The following BRI3 variants were observed in gnomAD, a reference collection of about 807,000 sequenced individuals.
BRI3 encodes the protein membrane protein BRI3.
BRI3 carries 6 observed loss-of-function variants against 12.8 expected under a neutral mutation model. The observed-to-expected ratio is 0.47, with a 90% CI of 0.26 to 0.93. The LOEUF (loss-of-function observed/expected upper bound fraction) is 0.93, where lower values mean the gene tolerates loss of function less well. BRI3 is among the 40% of genes least tolerant of loss of function. The pLI, the probability that BRI3 is intolerant of heterozygous loss-of-function variation, is 0.15. For synonymous variants in BRI3, 91 were observed against 76.1 expected, an observed-to-expected ratio of 1.20 and a Z score of -1.02; for missense variants, 134 against 171.1, an observed-to-expected ratio of 0.78 and a Z score of 1.21.
At chr7:98,286,047 C>T (rs371909205) in intron 2 of BRI3, among the ~76,000 whole-genome samples, 14 of 152,288 alleles carry the variant, frequency 9.2e-5, no homozygotes, top group African/African-American at 3.1e-4. Flanking sequence ...CCCCCTGTGA[C>T]ACTGCCTTTG....
the BRI3 span, among the ~76,000 whole-genome samples, chr7:98,316,526 A>T: frequency 6.6e-6 from 1 of 152,192 alleles, no homozygotes; most frequent in Non-Finnish European, 1.5e-5. Flanking sequence ...GCTTATTTTT[A>T]AAAACTGATA....
upstream of BRI3, chr7:98,306,459 T>C (rs779096013): frequency 3.7e-6 from 6 of 1,614,200 alleles, 1 homozygote; most frequent in South Asian, 6.6e-5. Flanking sequence ...GCACGGTCAC[T>C]GCTTCTGTCT....
chr7:98,299,484 T>TG (rs1800333113), intron 1 of BRI3, among the ~76,000 whole-genome samples: 1 of 151,884 alleles, frequency 6.6e-6, no homozygotes, highest in Middle Eastern at 3.2e-3. Context: ...GCCTCAGCCA[T>TG]GGTACCTGCT....
intron 2 of BRI3, among the ~76,000 whole-genome samples, chr7:98,284,668 G>T (rs960819357): frequency 4.6e-5 from 7 of 152,242 alleles, no homozygotes; most frequent in Non-Finnish European, 1.0e-4. Context: ...TCACACATCT[G>T]TTAGTCCTTC....
intron 2 of BRI3, among the ~76,000 whole-genome samples, chr7:98,289,223 GCTGGGATGAC>G (rs1799815444): frequency 6.6e-6 from 1 of 152,202 alleles, no homozygotes; most frequent in East Asian, 1.9e-4. Context: ...CTCCCAAAGT[GCTGGGATGAC>G]AAGCATGAGC....
the BRI3 span, chr7:98,320,083 ATCT>A: frequency 6.2e-7 from 1 of 1,613,752 alleles, no homozygotes; most frequent in Non-Finnish European, 8.5e-7. Flanking sequence ...GTCAAGTTCT[ATCT>A]TCTTCTCCAG....
chr7:98,293,669 C>T, downstream of BRI3: 4 of 1,434,046 alleles, frequency 2.8e-6, no homozygotes, highest in Non-Finnish European at 3.9e-6. Context: ...GTGCTAATAA[C>T]CCGTTCTTGC....
In BRI3 at chr7:98,291,525, G is replaced by C. The variant is rs949915577; in HGVS notation, c.*282G>C. On this transcript the variant is annotated 3_prime_UTR_variant, in exon 3 of 3. Transcript: ENST00000297290. ...TTCAATAAATGAGATTCATACCATT[G>C]TTGACCTGGTGCTGCTTACTCGGTG... is the stretch of plus-strand genomic sequence containing the variant. The C allele has an allele frequency of 3.2e-5, 39 of 1,208,098 alleles. No individual in the cohort carries two copies. Among genetic ancestry groups the C allele is most frequent in the Non-Finnish European group, 3.6e-5 (35 of 964,824 alleles). 74.8% of individuals were successfully genotyped at this position (1,208,098 alleles called of 1,614,324 possible).
At chr7:98,312,039 G>C (rs1800892071), downstream of BRI3, 4 of 1,511,188 alleles carry the variant, frequency 2.6e-6, no homozygotes. Context: ...GGCAAATTTG[G>C]CCCAGATCAA....
chr7:98,310,265 C>T, exon 2 of BRI3: 1 of 577,806 alleles, frequency 1.7e-6, no homozygotes, highest in Non-Finnish European at 2.9e-6. Flanking sequence ...GAGCGTCTCA[C>T]AGTCTAGTCC....
At chr7:98,308,573 A>G (rs1218029223) in exon 2 of BRI3, 1 of 330,782 alleles carries the variant, frequency 3.0e-6, no homozygotes, top group Non-Finnish European at 6.0e-6. Context: ...GGTTTGTCCC[A>G]TACTCTCTAC....
chr7:98,304,865 A>ATT (rs11423233), upstream of BRI3, among the ~76,000 whole-genome samples: 221 of 136,296 alleles, frequency 1.6e-3, no homozygotes, highest in Non-Finnish European at 2.4e-3. Flanking sequence ...CTCACAAGAA[A>ATT]TTTTTTTTTT....
chr7:98,305,028 G>T (rs955029024), upstream of BRI3, among the ~76,000 whole-genome samples: 5 of 142,980 alleles, frequency 3.5e-5, no homozygotes, highest in African/African-American at 1.3e-4. Flanking sequence ...ACCACGCCCA[G>T]CTAATTTTTT....
upstream of BRI3, chr7:98,304,181 T>C: frequency 6.4e-7 from 1 of 1,562,632 alleles, no homozygotes; most frequent in Non-Finnish European, 8.7e-7. Context: ...GACGCCCTGC[T>C]GCGGCTTTAC....
At chr7:98,288,163 C>A (rs1019720685) in intron 2 of BRI3, among the ~76,000 whole-genome samples, 10 of 152,212 alleles carry the variant, frequency 6.6e-5, no homozygotes, top group Admixed American at 6.5e-4. Context: ...TGGGATTTGA[C>A]CGCAGATGCC....
downstream of BRI3, among the ~76,000 whole-genome samples, chr7:98,311,745 A>C (rs1309714012): frequency 4.0e-5 from 6 of 151,868 alleles, no homozygotes. Context: ...GTCTCTACTA[A>C]TAATACAAAA....
At chr7:98,315,378 G>A, downstream of BRI3, 1 of 1,267,682 alleles carries the variant, frequency 7.9e-7, no homozygotes. Context: ...TTACAGGCGT[G>A]GGCCACGGCC....
At chr7:98,288,256 A>G (rs907656531) in intron 2 of BRI3, among the ~76,000 whole-genome samples, 9 of 152,288 alleles carry the variant, frequency 5.9e-5, no homozygotes, top group Non-Finnish European at 8.8e-5. Flanking sequence ...TGTCATGGCC[A>G]TCTGTGGGGA....
chr7:98,292,307 T>C (rs907415182), downstream of BRI3: 6 of 332,708 alleles, frequency 1.8e-5, no homozygotes, highest in African/African-American at 1.3e-4. Context: ...CTGCAACCTC[T>C]GCCTCCCGGG....
Sources: gnomAD v4.1 joint callset for allele counts (sites outside exome capture counted in the v4.1 genomes callset) on GRCh38, gnomAD v4.1.1 for gene constraint, MANE v1.5 for transcripts, NCBI Gene and HGNC (gene_info 2026-07-23, HGNC 2026-07-21) for gene names.